SV2A: variants seen among roughly 807,000 people sequenced by gnomAD.
SV2A encodes synaptic vesicle glycoprotein 2A, also known as solute carrier family 22 member B1.
SV2A carries 25 observed loss-of-function variants against 78.0 expected under a neutral mutation model. The ratio of observed to expected loss-of-function variants is 0.32; its 90% CI spans 0.23 to 0.45. The LOEUF is 0.45. SV2A is among the 20% of genes least tolerant of loss of function. SV2A has a pLI of 1.00. For missense variants in SV2A, 752 were observed against 971.5 expected, an observed-to-expected ratio of 0.77 and a Z score of 3.00; for synonymous variants, 355 against 384.7, an observed-to-expected ratio of 0.92 and a Z score of 0.90.
intron 1 of SV2A, among the ~76,000 whole-genome samples, chr1:149,915,432 A>T (rs1260735798): frequency 1.3e-5 from 2 of 152,206 alleles, no homozygotes; most frequent in East Asian, 3.9e-4. Flanking sequence ...GGGGACCTGG[A>T]ACCCAAGTAA....
Position 149,904,579 on chromosome 1 carries a change from T to A in SV2A, c.*435A>T, listed in dbSNP as rs2092422566. The A allele has an allele frequency of 6.5e-6, 1 of 154,990 alleles. No homozygotes were observed. Among genetic ancestry groups the A allele is most frequent in the Non-Finnish European group, 1.4e-5 (1 of 69,710 alleles). 9.6% of individuals were successfully genotyped at this position (154,990 alleles called of 1,614,324 possible). A position where few individuals can be genotyped will look rare whatever the true frequency, so the allele number is the denominator to read the frequency against. On this transcript the variant is annotated 3_prime_UTR_variant, in exon 13 of 13. Coordinates refer to ENST00000369146, the MANE Select transcript of SV2A (RefSeq NM_014849.5). ...GGCCCACTCTTCAGACTCTAAGAAG[T>A]TCTTTTGGTCCATGGTCTACACCAG... is the stretch of plus-strand genomic sequence containing the variant.
chr1:149,916,668 C>G (rs2092515916), intron 1 of SV2A, among the ~76,000 whole-genome samples: 1 of 152,156 alleles, frequency 6.6e-6, no homozygotes, highest in Admixed American at 6.5e-5. Flanking sequence ...CACCCAGATC[C>G]CCAGGCCTTC....
chr1:149,906,740 A>G lies in SV2A; in HGVS notation c.1795T>C (p.Phe599Leu). The G allele has an allele frequency of 6.2e-7, 1 of 1,614,246 alleles. No homozygotes were observed. Among genetic ancestry groups the G allele is most frequent in the Non-Finnish European group, 8.5e-7 (1 of 1,180,044 alleles). The part of the protein sequence containing the change: ...GTGEGAYMVY[F>L]VSFLGTLAVL... Reference sequence around the variant, plus strand: ...GCCAGTGTCCCCAGGAAGCTCACAAAGTATACCATGTAGGCACCTTCGCCC... The same window carrying G: ...GCCAGTGTCCCCAGGAAGCTCACAAGGTATACCATGTAGGCACCTTCGCCC... The change falls in exon 11 of 13, where the codon TTT (phenylalanine) becomes CTT (leucine). Residue 599 changes from phenylalanine to leucine, a missense_variant. Phe to Leu is a conservative substitution (Grantham distance 22). Transcript: ENST00000369146.
At position 149,905,161 on chromosome 1, in the gene SV2A, C is replaced by T. The variant is rs1553762519; in HGVS notation, c.2082G>A (p.Lys694=). ...TAFGFLNALC[K]LAAVLGISIF... ...TGCTGATCCCCAGCACAGCTGCCAG[C>T]TTACACAGGGCATTCAGGAAGCCAA... Residue 694 remains lysine, a synonymous_variant, in exon 13 of 13, where the codon AAG becomes AAA. Transcript: ENST00000369146. The T allele has an allele frequency of 1.9e-6, 3 of 1,611,226 alleles. No individual in the cohort carries two copies. The African/African-American group carries it at 4.0e-5, about 22-fold the overall frequency.
At chr1:149,906,933 C>T (rs1046198476) in intron 10 of SV2A, 77 bp from the exon 11 acceptor site, 2 of 1,570,098 alleles carry the variant, frequency 1.3e-6, no homozygotes, top group East Asian at 2.3e-5. Flanking sequence ...TGGCTCAGGG[C>T]TCTGCATGTA....
Position 149,910,151 on chromosome 1 carries a change from C to T in SV2A, c.1090-261G>A, listed in dbSNP as rs2092466555. On this transcript the variant is annotated intron_variant, in intron 5 of 12. Transcript: ENST00000369146. The surrounding 1 kb of genome is among the most constrained non-coding windows in gnomAD (Gnocchi z 4.2). ...GTGTTGTCCAGGGGAAAAAGGCAAGCACAGGTCTTGGGAATTCCATAGTAC... is the reference window on the plus strand; with the variant it reads ...GTGTTGTCCAGGGGAAAAAGGCAAGTACAGGTCTTGGGAATTCCATAGTAC... Among the ~76,000 whole-genome samples the T allele has an allele frequency of 6.6e-6, 1 of 152,248 alleles. No individual in the cohort carries two copies. Among genetic ancestry groups the T allele is most frequent in the Middle Eastern group, 3.4e-3 (1 of 294 alleles).
intron 12 of SV2A, 72 bp downstream of exon 12, chr1:149,905,808 C>T (rs2092434050): frequency 6.4e-7 from 1 of 1,569,040 alleles, no homozygotes; most frequent in Admixed American, 1.7e-5. Flanking sequence ...GATGCTCTTC[C>T]CATTCAGCCC....
At chr1:149,905,308 G>T in intron 12 of SV2A, 111 bp from the exon 13 acceptor site, 1 of 935,976 alleles carries the variant, frequency 1.1e-6, no homozygotes, top group Non-Finnish European at 1.6e-6. Context: ...GTCCAAGAGG[G>T]AGAGAGAAGG....
At position 149,913,324 on chromosome 1, in the gene SV2A, C is replaced by G; in HGVS notation, c.517G>C (p.Gly173Arg). The G allele has an allele frequency of 6.2e-7, 1 of 1,614,196 alleles. No homozygotes were observed. Among genetic ancestry groups the G allele is most frequent in the Non-Finnish European group, 8.5e-7 (1 of 1,180,032 alleles). ...RFQWTLYFVL[G>R]LALMADGVEV... ...ACACCGTCAGCCATCAGCGCCAGAC[C>G]AAGCACAAAATACAGTGTCCACTGG... Residue 173 changes from glycine (G) to arginine (R), a missense_variant, in exon 2 of 13, where the codon GGT becomes CGT. Physicochemically the swap from Gly to Arg is moderately radical, Grantham distance 125. Transcript: ENST00000369146.
intron 1 of SV2A, among the ~76,000 whole-genome samples, chr1:149,917,017 C>A (rs1284258015): frequency 3.3e-5 from 5 of 152,014 alleles, no homozygotes; most frequent in African/African-American, 1.2e-4. Context: ...GCGACCCCCC[C>A]ACACCCCATC....
intron 9 of SV2A, 34 bp from the exon 10 acceptor site, chr1:149,907,867 G>A (rs148868802): frequency 2.5e-4 from 399 of 1,606,832 alleles, no homozygotes; most frequent in Non-Finnish European, 3.3e-4. Flanking sequence ...ACACTCCCCC[G>A]TCATCCTCAT....
At chr1:149,916,403 C>T (rs2092514242) in intron 1 of SV2A, among the ~76,000 whole-genome samples, 1 of 152,218 alleles carries the variant, frequency 6.6e-6, no homozygotes, top group Non-Finnish European at 1.5e-5. Flanking sequence ...GCCCCCAAAA[C>T]AGCACAGGGT....
rs2092470059 is a variant in SV2A, at chr1:149,910,654, G to A, written c.1005C>T (p.Val335=). The A allele has an allele frequency of 2.5e-6, 4 of 1,613,854 alleles. No individual in the cohort carries two copies. Among genetic ancestry groups the A allele is most frequent in the Non-Finnish European group, 3.4e-6 (4 of 1,179,930 alleles). Residue 335 remains valine (V), a synonymous_variant, in exon 5 of 13, where the codon GTC becomes GTT. Coordinates refer to ENST00000369146, the MANE Select transcript of SV2A (RefSeq NM_014849.5). This position sits in a 1 kb window ranked among gnomAD's most constrained non-coding sequence, Gnocchi z 4.2. ...GSAYQFHSWR[V]FVLVCAFPSV... is the part of the protein sequence containing the mutation. ...AAGGAAAGGCGCAGACGAGGACGAA[G>A]ACCCTCCAGCTGTGGAACTGGTAGG... is the stretch of plus-strand genomic sequence containing the variant.
Position 149,909,783 on chromosome 1 carries a change from G to T in SV2A, c.1179+18C>A, listed in dbSNP as rs376562310. ...GCTGCAGGGCGTGGAGGTCTGAGTCGGGAGGGCTGTGGCTTACTGAGAACA... is the reference window on the plus strand; with the variant it reads ...GCTGCAGGGCGTGGAGGTCTGAGTCTGGAGGGCTGTGGCTTACTGAGAACA... On this transcript the variant is annotated intron_variant, in intron 6 of 12. Transcript: ENST00000369146. 3 of 1,612,906 alleles carry T rather than the reference G, an allele frequency of 1.9e-6. No individual in the cohort carries two copies. The highest frequency in any genetic ancestry group is 2.5e-6 in the Non-Finnish European group (3 of 1,179,708).
intron 3 of SV2A, among the ~76,000 whole-genome samples, 161 bp from the exon 4 acceptor site, chr1:149,911,138 C>T (rs55783925): frequency 0.027 from 4,169 of 152,272 alleles, 196 homozygotes; most frequent in African/African-American, 0.095. Context: ...AGCCATCAAG[C>T]ACCCATCCTT....
At position 149,904,902 on chromosome 1, in the gene SV2A, C is replaced by G. The variant is rs1002128920; in HGVS notation, c.*112G>C. On this transcript the variant is annotated 3_prime_UTR_variant, in exon 13 of 13. Coordinates refer to ENST00000369146, the MANE Select transcript of SV2A (RefSeq NM_014849.5). Reference sequence around the variant, plus strand: ...GCACACACAGCTAAGACACCAAACACGGGGAGTGGGGAGTGAGGGCTCTGG... The same window carrying G: ...GCACACACAGCTAAGACACCAAACAGGGGGAGTGGGGAGTGAGGGCTCTGG... The G allele has an allele frequency of 1.6e-6, 2 of 1,219,594 alleles. No homozygotes were observed. The highest frequency in any genetic ancestry group is 2.3e-6 in the Non-Finnish European group (2 of 879,178). 75.5% of individuals were successfully genotyped at this position (1,219,594 alleles called of 1,614,324 possible). A position where few individuals can be genotyped will look rare whatever the true frequency, so the allele number is the denominator to read the frequency against.
rs2092427941 is a variant in SV2A, at chr1:149,905,088, CAA to C, written c.2153_2154del (p.Phe718CysfsTer17). On this transcript the variant is annotated frameshift_variant, in exon 13 of 13. Transcript: ENST00000369146. LOFTEE classifies it high-confidence loss of function. ...CTGCCAAGGGCAAGGGCAGCTGAGGCAAAGAGGATGGGTGCAGCCTTGGTGAT... is the reference window on the plus strand; with the variant it reads ...CTGCCAAGGGCAAGGGCAGCTGAGGCAGAGGATGGGTGCAGCCTTGGTGAT... ...VGITKAAPIL[F>X]ASAALALGSS... 2 of 1,613,440 alleles carry C rather than the reference CAA, an allele frequency of 1.2e-6. No homozygotes were observed. Among genetic ancestry groups the C allele is most frequent in the Non-Finnish European group, 1.7e-6 (2 of 1,179,784 alleles).
At position 149,912,608 on chromosome 1, in the gene SV2A, C is replaced by A. The variant is rs1333719038; in HGVS notation, c.622+611G>T. On this transcript the variant is annotated intron_variant, in intron 2 of 12. Coordinates refer to ENST00000369146, the MANE Select transcript of SV2A (RefSeq NM_014849.5). The stretch of plus-strand genomic sequence containing the variant: ...CAGGAAGAAGAGACCTGTCCAAGAC[C>A]CCATGGCAATTTGGTGGCAGAGTAA... Among the ~76,000 whole-genome samples the A allele has an allele frequency of 2.0e-5, 3 of 152,076 alleles. No individual in the cohort carries two copies. In the East Asian group the frequency reaches 5.8e-4, roughly 29 times the overall value.
Position 149,910,690 on chromosome 1 carries a change from C to T in SV2A, c.969G>A (p.Gln323=), listed in dbSNP as rs782223147. The change falls in exon 5 of 13, where the codon CAG becomes CAA. Residue 323 remains glutamine (Q), a synonymous_variant. Transcript: ENST00000369146. This position sits in a 1 kb window ranked among gnomAD's most constrained non-coding sequence, Gnocchi z 4.2. ...TGTGGAACTGGTAGGCAGAACCCATCTGAAAACTCCACCCTGGTAGGGAGA... is the reference window on the plus strand; with the variant it reads ...TGTGGAACTGGTAGGCAGAACCCATTTGAAAACTCCACCCTGGTAGGGAGA... The part of the protein sequence containing the change: ...AIIPHYGWSF[Q]MGSAYQFHSW... 17 of 1,614,006 alleles carry T rather than the reference C, an allele frequency of 1.1e-5. No homozygotes were observed. The highest frequency in any genetic ancestry group is 2.2e-5 in the East Asian group (1 of 44,876).
Sources: allele counts gnomAD v4.1 joint callset (sites outside exome capture counted in the v4.1 genomes callset), GRCh38; gene constraint gnomAD v4.1.1; non-coding constraint Gnocchi (gnomAD v3.1); transcripts MANE v1.5; gene names NCBI Gene and HGNC (gene_info 2026-07-23, HGNC 2026-07-21).